Variants in NBPF26 observed in about 807,000 individuals in gnomAD.
NBPF26 encodes NBPF member 26.
NBPF26 carries 79 observed loss-of-function variants against 119.6 expected under a neutral mutation model. The observed-to-expected ratio is 0.66, with a 90% CI of 0.55 to 0.80. The LOEUF (loss-of-function observed/expected upper bound fraction) is 0.80. NBPF26 is among the 30% of genes least tolerant of loss of function. NBPF26 has a pLI of 0.00. For synonymous variants in NBPF26, 299 were observed against 457.7 expected (o/e 0.65, Z 4.43); for missense variants, 800 against 1,198.2 (o/e 0.67, Z 4.91).
intron 1 of NBPF26, among the ~76,000 whole-genome samples, chr1:120,735,362 G>T (rs1650904165): frequency 2.3e-5 from 2 of 86,614 alleles, no homozygotes; most frequent in Non-Finnish European, 4.1e-5. Flanking sequence ...ACCGTGCCTG[G>T]TCCTTGCAGC....
In NBPF26 at chr1:120,765,116, G is replaced by T. The variant is rs1171896488; in HGVS notation, c.155+1407G>T. ...AATAAAGATAACATTGGAAATAAAG[G>T]TTTTATGTAGCTTATTATGAGCTGC... On this transcript the variant is annotated intron_variant, in intron 2 of 29. Coordinates refer to ENST00000620612, the Ensembl canonical transcript of NBPF26. 1.7e-5 allele frequency among the ~76,000 whole-genome samples: 2 copies of T among 116,296 alleles called. 1 individual carries two copies. Among genetic ancestry groups the T allele is most frequent in the East Asian group, 4.1e-4 (2 of 4,876 alleles). The allele number at this position is 116,296 out of a possible 152,430, so 76.3% of individuals were successfully genotyped here.
chr1:120,790,109 G>A lies in NBPF26; in HGVS notation c.416-3052G>A, dbSNP rs1313010050. Among the ~76,000 whole-genome samples the A allele has an allele frequency of 4.4e-5, 4 of 89,988 alleles. 1 individual carries two copies. Among genetic ancestry groups the A allele is most frequent in the South Asian group, 3.4e-4 (1 of 2,954 alleles). 59.0% of individuals were successfully genotyped at this position (89,988 alleles called of 152,430 possible). On this transcript the variant is annotated intron_variant, in intron 3 of 29. Coordinates refer to ENST00000620612, the Ensembl canonical transcript of NBPF26. ...CGGTTCACTGCAAGTTCCACCTCCC[G>A]GGTTCACGCCATTCTTCTGCCTCAG...
exon 5 of NBPF26, chr1:120,805,703 T>C: frequency 6.9e-7 from 1 of 1,455,078 alleles, no homozygotes; most frequent in Non-Finnish European, 9.3e-7. Context: ...TTGAGAAACC[T>C]CAAAGAGAAA....
chr1:120,811,320 C>T lies in NBPF26; in HGVS notation c.1565-566C>T, dbSNP rs1553270949. On this transcript the variant is annotated intron_variant, in intron 9 of 29. Transcript: ENST00000620612. The stretch of plus-strand genomic sequence containing the variant: ...CAACACTTTGGGAGGCCGAGGTGGG[C>T]GGAACACCTGAGCTCAGGAGTTCAA... Among the ~76,000 whole-genome samples, 52 of 109,614 alleles carry T rather than the reference C, an allele frequency of 4.7e-4. 17 individuals carry two copies. The highest frequency in any genetic ancestry group is 7.2e-4 in the Non-Finnish European group (41 of 56,816). The allele number at this position is 109,614 out of a possible 152,430, so 71.9% of individuals were successfully genotyped here.
chr1:120,817,062 A>C (rs1232161843), intron 14 of NBPF26, among the ~76,000 whole-genome samples: 1 of 118,002 alleles, frequency 8.5e-6, no homozygotes, highest in Non-Finnish European at 1.6e-5. Flanking sequence ...ACCTGAGTGC[A>C]GGAGGTGCAC....
In NBPF26 at chr1:120,767,683, G is replaced by A. The variant is rs1651209103; in HGVS notation, c.155+3974G>A. ...TTTTATTCTTTCCCTTGTCCTACTG[G>A]GAGGTGTAAATATGTAATTAAATTT... On this transcript the variant is annotated intron_variant, in intron 2 of 29. Transcript: ENST00000620612. Among the ~76,000 whole-genome samples the A allele has an allele frequency of 4.6e-5, 5 of 108,532 alleles. No homozygotes were observed. In the South Asian group the frequency reaches 1.4e-3, roughly 30 times the overall value. The allele number at this position is 108,532 out of a possible 152,430, so 71.2% of individuals were successfully genotyped here.
intron 1 of NBPF26, among the ~76,000 whole-genome samples, chr1:120,724,487 C>T (rs1186017803): frequency 1.6e-5 from 2 of 121,452 alleles, no homozygotes; most frequent in East Asian, 2.1e-4. Context: ...ACCCCTCACA[C>T]GCCTCCTCGG....
chr1:120,793,162 T>G, exon 4 of NBPF26: 2 of 1,404,574 alleles, frequency 1.4e-6, no homozygotes, highest in South Asian at 2.4e-5. Flanking sequence ...TTCCTTTAGG[T>G]AAGGAGTGCC....
chr1:120,840,147 C>CTT (rs1331177143), intron 29 of NBPF26, among the ~76,000 whole-genome samples: 4 of 70,246 alleles, frequency 5.7e-5, no homozygotes, highest in Non-Finnish European at 1.0e-4. Flanking sequence ...GTCTCTGTCT[C>CTT]TCTCTCTGTC....
chr1:120,822,046 G>T lies in NBPF26; in HGVS notation c.2424-58G>T. ...CCCATCAGATCATCTGGGAGGTTTT[G>T]TTGTCTAAAGTCTGTTGGTTAAATC... On this transcript the variant is annotated intron_variant, in intron 15 of 29. Transcript: ENST00000620612. 11 of 1,446,814 alleles carry T rather than the reference G, an allele frequency of 7.6e-6. 3 individuals carry two copies. Among genetic ancestry groups the T allele is most frequent in the Non-Finnish European group, 1.0e-5 (11 of 1,082,084 alleles). The allele number at this position is 1,446,814 out of a possible 1,614,324, so 89.6% of individuals were successfully genotyped here.
At chr1:120,823,085 A>C (rs1354481924) in intron 16 of NBPF26, among the ~76,000 whole-genome samples, 1 of 119,194 alleles carries the variant, frequency 8.4e-6, no homozygotes, top group Non-Finnish European at 1.7e-5. Context: ...GCACATAGGG[A>C]AGATAACATT....
At chr1:120,813,945 T>C in exon 11 of NBPF26, 1 of 1,504,722 alleles carries the variant, frequency 6.6e-7, no homozygotes, top group Non-Finnish European at 9.1e-7. Flanking sequence ...GAGCGACAGT[T>C]CAAGGAGGAG....
intron 12 of NBPF26, among the ~76,000 whole-genome samples, chr1:120,815,843 T>G (rs1553271687): frequency 5.5e-5 from 2 of 36,094 alleles, no homozygotes; most frequent in East Asian, 1.2e-3. Flanking sequence ...TCCAGTGATA[T>G]GGGAAGCAAA....
rs1651512241 is a variant in NBPF26 at position 120,793,179 on chromosome 1, C to G, written c.434C>G (p.Thr145Ser). ...CCTTTAGGTAAGGAGTGCCAATGGA[C>G]CGATGCCTGCCTGTCTCATCTCTGT... is the stretch of plus-strand genomic sequence containing the variant. Residue 145 changes from threonine (T) to serine (S), a missense_variant, in exon 4 of 30, where the codon ACC becomes AGC. By Grantham distance (58) the Thr-to-Ser change is moderately conservative. Coordinates refer to ENST00000620612, the Ensembl canonical transcript of NBPF26. 8.4e-5 allele frequency: 121 copies of G among 1,438,490 alleles called. 27 individuals are homozygous for G. Among genetic ancestry groups the G allele is most frequent in the Non-Finnish European group, 3.2e-5 (34 of 1,078,490 alleles). 89.1% of individuals were successfully genotyped at this position (1,438,490 alleles called of 1,614,324 possible).
rs1652179452 is a variant in NBPF26 at position 120,823,654 on chromosome 1, T to C, written c.2639+294T>C. Among the ~76,000 whole-genome samples, 4 of 124,788 alleles carry C rather than the reference T, an allele frequency of 3.2e-5. 1 individual carries two copies. Among genetic ancestry groups the C allele is most frequent in the Non-Finnish European group, 6.5e-5 (4 of 61,180 alleles). The allele number at this position is 124,788 out of a possible 152,430, so 81.9% of individuals were successfully genotyped here. A position where few individuals can be genotyped will look rare whatever the true frequency, so the allele number is the denominator to read the frequency against. On this transcript the variant is annotated intron_variant, in intron 17 of 29. Transcript: ENST00000620612. Reference sequence around the variant, plus strand: ...CGCAAAATTATTGAGGACATGCTTTTCATGATCACTGTTCACTGTGTGTCC... The same window carrying C: ...CGCAAAATTATTGAGGACATGCTTTCCATGATCACTGTTCACTGTGTGTCC...
At chr1:120,810,259 G>A (rs1466690239) in intron 8 of NBPF26, 88 bp from the exon 9 acceptor site, 5 of 1,428,554 alleles carry the variant, frequency 3.5e-6, no homozygotes, top group East Asian at 4.5e-5. Flanking sequence ...CTCTCTTAAT[G>A]CCGCCTGTCA....
intron 5 of NBPF26, among the ~76,000 whole-genome samples, chr1:120,806,027 C>A (rs1157026011): frequency 2.8e-5 from 3 of 107,806 alleles, no homozygotes; most frequent in African/African-American, 5.2e-5. Flanking sequence ...ACAGAATGAC[C>A]TGTTTTCTCC....
rs1571033196 is a variant in NBPF26, at chr1:120,805,663, C to T, written c.859C>T (p.Arg287Cys). ...CATTCTAGAAATCAACGAGACATTGCGCCCCCAGCTGCCAGAGAACAAACA... is the reference window on the plus strand; with the variant it reads ...CATTCTAGAAATCAACGAGACATTGTGCCCCCAGCTGCCAGAGAACAAACA... The change falls in exon 5 of 30, where the codon CGC becomes TGC. Residue 287 changes from arginine (R) to cysteine (C), a missense_variant. Arg to Cys is a radical substitution (Grantham distance 180). Around this residue, in one of 13 missense-constraint regions of NBPF26, gnomAD observed 155 missense variants for 143.7 expected, o/e 1.08. Coordinates refer to ENST00000620612, the Ensembl canonical transcript of NBPF26. 3.9e-5 allele frequency: 57 copies of T among 1,456,568 alleles called. 11 individuals carry two copies. Among genetic ancestry groups the T allele is most frequent in the Non-Finnish European group, 4.6e-5 (50 of 1,077,550 alleles). The allele number at this position is 1,456,568 out of a possible 1,614,324, so 90.2% of individuals were successfully genotyped here. A position where few individuals can be genotyped will look rare whatever the true frequency, so the allele number is the denominator to read the frequency against.
rs1651365723 is a variant in NBPF26 at position 120,781,852 on chromosome 1, C to T, written c.156-3122C>T. 1.7e-5 allele frequency among the ~76,000 whole-genome samples: 2 copies of T among 117,592 alleles called. 1 individual carries two copies. Among genetic ancestry groups the T allele is most frequent in the Non-Finnish European group, 3.3e-5 (2 of 60,898 alleles). The allele number at this position is 117,592 out of a possible 152,430, so 77.1% of individuals were successfully genotyped here. On this transcript the variant is annotated intron_variant, in intron 2 of 29. Transcript: ENST00000620612. ...AGATTACTGGTGTGAGCCACCGCAC[C>T]TGGCTTAGCTGTAAAATCTTAATCT...
Sources: gnomAD v4.1 joint callset for allele counts (sites outside exome capture counted in the v4.1 genomes callset) on GRCh38, gnomAD v4.1.1 for gene constraint, gnomAD v4.1.1 regional missense constraint, MANE v1.5 for transcripts, NCBI Gene and HGNC (gene_info 2026-07-23, HGNC 2026-07-21) for gene names.